WDR70: variants seen among roughly 807,000 people sequenced by gnomAD.
WDR70 encodes the protein WD repeat domain 70.
In WDR70, 53 loss-of-function variants were observed where a neutral mutation model predicts 88.6. The ratio of observed to expected loss-of-function variants is 0.60; its 90% confidence interval spans 0.48 to 0.75. WDR70 has a LOEUF of 0.75. Ranked by LOEUF, WDR70 falls within the 30% of genes least tolerant of loss-of-function variation. The pLI, the probability that WDR70 is intolerant of heterozygous loss-of-function variation, is 0.00. For missense variants in WDR70, 610 were observed against 823.2 expected (o/e 0.74, Z 3.17); for synonymous variants, 280 against 270.0 (o/e 1.04, Z -0.36).
intron 9 of WDR70, among the ~76,000 whole-genome samples, chr5:37,539,905 G>A (rs1741765931): frequency 6.6e-6 from 1 of 152,146 alleles, no homozygotes; most frequent in Admixed American, 6.5e-5. Flanking sequence ...CTGTCTTTTA[G>A]CGATCACATT....
rs948184319 is a variant in WDR70 at position 37,496,221 on chromosome 5, A to G, written c.840+16234A>G. Reference sequence around the variant, plus strand: ...TGTGGGCAGGGCCAAATAAGGGAATAAAGCTGGCCACCCCAGCCAGCTGCC... The same window carrying G: ...TGTGGGCAGGGCCAAATAAGGGAATGAAGCTGGCCACCCCAGCCAGCTGCC... On this transcript the variant is annotated intron_variant, in intron 8 of 17. Transcript: ENST00000265107. 5.9e-5 allele frequency among the ~76,000 whole-genome samples: 9 copies of G among 152,224 alleles called. 1 individual carries two copies. The highest frequency in any genetic ancestry group is 2.2e-4 in the African/African-American group (9 of 41,458).
chr5:37,658,495 G>A (rs543728919), intron 10 of WDR70, among the ~76,000 whole-genome samples: 3 of 151,986 alleles, frequency 2.0e-5, no homozygotes, highest in Admixed American at 6.5e-5. Flanking sequence ...TAGAATATGC[G>A]TTGCCTCTTT....
At chr5:37,421,091 C>T (rs140799295) in intron 5 of WDR70, among the ~76,000 whole-genome samples, 184 of 152,272 alleles carry the variant, frequency 1.2e-3, no homozygotes, top group African/African-American at 4.3e-3. Context: ...CATCCCCTTT[C>T]GACAGGTGAG....
chr5:37,412,473 G>T (rs894522869), intron 5 of WDR70, among the ~76,000 whole-genome samples: 3 of 151,934 alleles, frequency 2.0e-5, no homozygotes, highest in Non-Finnish European at 4.4e-5. Flanking sequence ...AGGGATGAAG[G>T]AGGTTCTAAC....
At chr5:37,497,295 C>A in intron 8 of WDR70, among the ~76,000 whole-genome samples, 1 of 147,778 alleles carries the variant, frequency 6.8e-6, no homozygotes, top group South Asian at 2.2e-4. Context: ...TTTTCCCTTC[C>A]CTTCTCCCTT....
chr5:37,440,607 A>AT (rs2112046267), intron 6 of WDR70, among the ~76,000 whole-genome samples: 1 of 152,330 alleles, frequency 6.6e-6, no homozygotes, highest in Non-Finnish European at 1.5e-5. Flanking sequence ...GGCCTCCCAA[A>AT]GTGCTGGGAT....
chr5:37,649,508 A>G (rs899407421), intron 10 of WDR70, among the ~76,000 whole-genome samples: 2 of 149,966 alleles, frequency 1.3e-5, no homozygotes, highest in African/African-American at 4.9e-5. Context: ...ATTATCATAA[A>G]AATTGAGATG....
intron 8 of WDR70, chr5:37,506,492 G>T (rs1475405922): frequency 2.6e-6 from 2 of 769,280 alleles, no homozygotes; most frequent in African/African-American, 1.7e-5. Flanking sequence ...AGACACCTCT[G>T]TTCTTAAGCA....
chr5:37,399,428 A>T (rs1304150058), intron 5 of WDR70, among the ~76,000 whole-genome samples: 5 of 151,666 alleles, frequency 3.3e-5, no homozygotes, highest in South Asian at 2.1e-4. Flanking sequence ...TCAAAAAAAA[A>T]TTTTTTTTTC....
At chr5:37,572,501 T>C (rs2112407112) in intron 9 of WDR70, among the ~76,000 whole-genome samples, 1 of 152,260 alleles carries the variant, frequency 6.6e-6, no homozygotes, top group South Asian at 2.1e-4. Flanking sequence ...TGATGTATTG[T>C]ATTATGGTGA....
intron 10 of WDR70, among the ~76,000 whole-genome samples, chr5:37,672,800 A>C (rs1021064120): frequency 2.6e-5 from 4 of 151,850 alleles, no homozygotes; most frequent in Non-Finnish European, 5.9e-5. Context: ...CTTGCTCTGT[A>C]CTTTGTCTCT....
At chr5:37,487,589 A>G (rs991220219) in intron 8 of WDR70, among the ~76,000 whole-genome samples, 8 of 111,644 alleles carry the variant, frequency 7.2e-5, no homozygotes, top group African/African-American at 2.1e-4. Context: ...ATATATGGGT[A>G]TGTATATATA....
intron 9 of WDR70, among the ~76,000 whole-genome samples, chr5:37,599,723 C>A (rs1743806884): frequency 6.6e-6 from 1 of 152,054 alleles, no homozygotes; most frequent in African/African-American, 2.4e-5. Flanking sequence ...AAAACCCCAT[C>A]TCTACTAAAA....
intron 5 of WDR70, among the ~76,000 whole-genome samples, chr5:37,426,981 G>A (rs770830728): frequency 6.6e-6 from 1 of 152,008 alleles, no homozygotes; most frequent in Non-Finnish European, 1.5e-5. Flanking sequence ...TCGCTGTATT[G>A]CCCAGGTTGG....
chr5:37,517,841 T>TTTTA (rs3068410), intron 9 of WDR70, among the ~76,000 whole-genome samples: 69,214 of 134,854 alleles, frequency 0.51, 16,748 homozygotes, highest in Non-Finnish European at 0.59. Flanking sequence ...GTTATTTTAT[T>TTTTA]TTTATTATAT....
intron 9 of WDR70, 133 bp downstream of exon 9, chr5:37,516,723 A>T (rs71619871): frequency 0.034 from 4,383 of 128,128 alleles, 64 homozygotes; most frequent in African/African-American, 0.059. Flanking sequence ...ATATATATAT[A>T]TATTTTTTTT....
At chr5:37,708,555 G>A (rs892876486) in intron 13 of WDR70, among the ~76,000 whole-genome samples, 1 of 151,986 alleles carries the variant, frequency 6.6e-6, no homozygotes, top group African/African-American at 2.4e-5. Flanking sequence ...AAGTTTTTGT[G>A]TTCTTATTAA....
intron 9 of WDR70, among the ~76,000 whole-genome samples, chr5:37,584,692 C>A (rs758029055): frequency 6.6e-6 from 1 of 151,974 alleles, no homozygotes; most frequent in Non-Finnish European, 1.5e-5. Flanking sequence ...TTATGTTAAA[C>A]TTTAGCAGTT....
intron 10 of WDR70, among the ~76,000 whole-genome samples, chr5:37,626,004 G>GT (rs75271863): frequency 0.26 from 37,135 of 141,208 alleles, 6,400 homozygotes; most frequent in African/African-American, 0.5. Flanking sequence ...TTCTAAGAGA[G>GT]TTTTTTTTTT....
Sources: allele counts gnomAD v4.1 joint callset (sites outside exome capture counted in the v4.1 genomes callset), GRCh38; gene constraint gnomAD v4.1.1; transcripts MANE v1.5; gene names NCBI Gene and HGNC (gene_info 2026-07-23, HGNC 2026-07-21).